Variants in BAIAP2L1 observed in about 807,000 individuals in gnomAD.
The protein encoded by BAIAP2L1 is BAR/IMD domain-containing adapter protein 2-like 1.
Under a neutral mutation model 66.3 loss-of-function variants are expected in BAIAP2L1, and 35 were observed. The ratio of observed to expected loss-of-function variants is 0.53; its 90% CI spans 0.40 to 0.70. The LOEUF (loss-of-function observed/expected upper bound fraction) is 0.70. Ranked by LOEUF, BAIAP2L1 falls within the 30% of genes least tolerant of loss-of-function variation. BAIAP2L1 has a pLI of 0.00. For missense variants in BAIAP2L1, 622 were observed against 656.9 expected, an observed-to-expected ratio of 0.95 and a Z score of 0.58; for synonymous variants, 269 against 248.7, an observed-to-expected ratio of 1.08 and a Z score of -0.77.
intron 1 of BAIAP2L1, among the ~76,000 whole-genome samples, chr7:98,385,190 C>T (rs1442593824): frequency 2.0e-5 from 3 of 151,720 alleles, no homozygotes; most frequent in Admixed American, 6.6e-5. Flanking sequence ...GACCTGTAAT[C>T]CCAGCTACTC....
intron 12 of BAIAP2L1, among the ~76,000 whole-genome samples, chr7:98,299,211 G>A (rs1446868539): frequency 6.6e-6 from 1 of 151,952 alleles, no homozygotes; most frequent in African/African-American, 2.4e-5. Flanking sequence ...TAGAGACAGG[G>A]TTTCACCATG....
chr7:98,351,887 C>G (rs997983343), intron 3 of BAIAP2L1, among the ~76,000 whole-genome samples: 1 of 152,100 alleles, frequency 6.6e-6, no homozygotes, highest in Non-Finnish European at 1.5e-5. Context: ...TCACAGAGGC[C>G]GACCCTCGAG....
At position 98,293,351 on chromosome 7, in the gene BAIAP2L1, T is replaced by C; in HGVS notation, c.*170A>G. ...ACTCATTTATCTTAAAGGCAGAAAC[T>C]TGTCAACCCAACTACGTGAAACAGA... On this transcript the variant is annotated 3_prime_UTR_variant, in exon 14 of 14. Transcript: ENST00000005260. The C allele has an allele frequency of 1.6e-6, 1 of 610,872 alleles. No homozygotes were observed. Among genetic ancestry groups the C allele is most frequent in the Non-Finnish European group, 2.9e-6 (1 of 345,576 alleles). 37.8% of individuals were successfully genotyped at this position (610,872 alleles called of 1,614,324 possible).
At chr7:98,360,877 G>A (rs1802254063) in intron 2 of BAIAP2L1, among the ~76,000 whole-genome samples, 1 of 152,174 alleles carries the variant, frequency 6.6e-6, no homozygotes, top group South Asian at 2.1e-4. Flanking sequence ...ATCTCCGAAA[G>A]CACAGCAAGG....
intron 12 of BAIAP2L1, among the ~76,000 whole-genome samples, chr7:98,300,549 T>C (rs1800378927): frequency 6.6e-6 from 1 of 152,118 alleles, no homozygotes; most frequent in African/African-American, 2.4e-5. Context: ...CTGGCTGAGA[T>C]TTCAGAACTG....
At chr7:98,394,875 G>A (rs1031911464) in intron 1 of BAIAP2L1, among the ~76,000 whole-genome samples, 2 of 152,206 alleles carry the variant, frequency 1.3e-5, no homozygotes, top group East Asian at 3.8e-4. Context: ...ACTTTGGGAA[G>A]CCGAGGCAGG....
intron 1 of BAIAP2L1, among the ~76,000 whole-genome samples, chr7:98,396,972 C>T (rs1803224495): frequency 6.6e-6 from 1 of 152,136 alleles, no homozygotes; most frequent in Non-Finnish European, 1.5e-5. Flanking sequence ...TGCATGCCTA[C>T]TATGTGCCAG....
At chr7:98,357,960 C>T (rs549507669) in intron 2 of BAIAP2L1, among the ~76,000 whole-genome samples, 14 of 152,254 alleles carry the variant, frequency 9.2e-5, no homozygotes, top group African/African-American at 3.1e-4. Context: ...AAAGAAGTGA[C>T]TCCACCTAAA....
intron 3 of BAIAP2L1, among the ~76,000 whole-genome samples, chr7:98,325,706 A>T (rs1442514583): frequency 2.0e-5 from 3 of 152,188 alleles, no homozygotes; most frequent in African/African-American, 4.8e-5. Context: ...AAAAAAAAAT[A>T]AAAATGTCAT....
At chr7:98,367,892 G>A (rs1429053247) in intron 1 of BAIAP2L1, among the ~76,000 whole-genome samples, 1 of 151,938 alleles carries the variant, frequency 6.6e-6, no homozygotes, top group Non-Finnish European at 1.5e-5. Context: ...CCAAAGTGCT[G>A]GGATTACAGG....
At chr7:98,321,071 T>C (rs1801229862) in intron 3 of BAIAP2L1, among the ~76,000 whole-genome samples, 1 of 151,794 alleles carries the variant, frequency 6.6e-6, no homozygotes, top group Non-Finnish European at 1.5e-5. Flanking sequence ...GTTGCCCAGG[T>C]TGGTCTCGAA....
chr7:98,400,790 C>G lies in BAIAP2L1; in HGVS notation c.51+12G>C. On this transcript the variant is annotated intron_variant, in intron 1 of 13. Coordinates refer to ENST00000005260, the MANE Select transcript of BAIAP2L1 (RefSeq NM_018842.5). Reference sequence around the variant, plus strand: ...AGCCCTGACCTCCCTGAGCCCCGGGCCCTGGGCTTACCCGGTAGGTGCTCT... The same window carrying G: ...AGCCCTGACCTCCCTGAGCCCCGGGGCCTGGGCTTACCCGGTAGGTGCTCT... The G allele has an allele frequency of 6.5e-7, 1 of 1,549,196 alleles. No homozygotes were observed. The highest frequency in any genetic ancestry group is 1.4e-5 in the African/African-American group (1 of 73,010).
At chr7:98,355,361 T>C in intron 2 of BAIAP2L1, 1 of 532,962 alleles carries the variant, frequency 1.9e-6, no homozygotes, top group South Asian at 2.3e-5. Context: ...CGGGGAACCT[T>C]CAGCAGCAGG....
At chr7:98,377,877 C>A (rs1299762435) in intron 1 of BAIAP2L1, among the ~76,000 whole-genome samples, 1 of 147,508 alleles carries the variant, frequency 6.8e-6, no homozygotes, top group Non-Finnish European at 1.5e-5. Flanking sequence ...CCTGTAATTC[C>A]AGCACTTTGG....
intron 3 of BAIAP2L1, among the ~76,000 whole-genome samples, chr7:98,335,835 G>A (rs1009378134): frequency 6.6e-5 from 10 of 152,020 alleles, no homozygotes; most frequent in African/African-American, 1.7e-4. Flanking sequence ...CGGCACAGCC[G>A]TTCACAGTTC....
chr7:98,306,453 G>A lies in BAIAP2L1; in HGVS notation c.1227C>T (p.Thr409=), dbSNP rs749260503. 4.3e-6 allele frequency: 7 copies of A among 1,613,998 alleles called. No homozygotes were observed. Among genetic ancestry groups the A allele is most frequent in the South Asian group, 1.1e-5 (1 of 91,084 alleles). Residue 409 remains threonine (T), a synonymous_variant, in exon 11 of 14, where the codon ACC becomes ACT. Coordinates refer to ENST00000005260, the MANE Select transcript of BAIAP2L1 (RefSeq NM_018842.5). Reference sequence around the variant, plus strand: ...TTCAGGGCTACCTTGGCGTGGGCACGGTCACTGCTTCTGTCTCATTTTCTT... The same window carrying A: ...TTCAGGGCTACCTTGGCGTGGGCACAGTCACTGCTTCTGTCTCATTTTCTT... ...LLEENETEAV[T]VPTPSPTPVR...
chr7:98,397,265 G>T (rs1803233702), intron 1 of BAIAP2L1, among the ~76,000 whole-genome samples: 1 of 150,590 alleles, frequency 6.6e-6, no homozygotes, highest in Non-Finnish European at 1.5e-5. Context: ...GATTCCTGTA[G>T]GTAGGACATC....
intron 2 of BAIAP2L1, among the ~76,000 whole-genome samples, chr7:98,360,717 T>C (rs1254949508): frequency 2.0e-5 from 3 of 151,964 alleles, no homozygotes; most frequent in Admixed American, 6.6e-5. Context: ...AGCAATGACT[T>C]TGTGGCCTTG....
At chr7:98,398,913 T>C (rs1255591306) in intron 1 of BAIAP2L1, among the ~76,000 whole-genome samples, 1 of 152,232 alleles carries the variant, frequency 6.6e-6, no homozygotes, top group Non-Finnish European at 1.5e-5. Flanking sequence ...AGTGGTGTTC[T>C]GTATTTTTGC....
Sources: allele counts gnomAD v4.1 joint callset (sites outside exome capture counted in the v4.1 genomes callset), GRCh38; gene constraint gnomAD v4.1.1; transcripts MANE v1.5; gene names NCBI Gene and HGNC (gene_info 2026-07-23, HGNC 2026-07-21).